KLHL13: variants seen among roughly 807,000 people sequenced by gnomAD.
KLHL13 encodes kelch-like protein 13.
In KLHL13, 10 loss-of-function variants were observed where a neutral mutation model predicts 37.1. The ratio of observed to expected loss-of-function variants is 0.27; its 90% CI spans 0.17 to 0.46. The LOEUF (loss-of-function observed/expected upper bound fraction) is 0.46, where lower values mean the gene tolerates loss of function less well. KLHL13 is among the 20% of genes least tolerant of loss of function. KLHL13 has a pLI of 1.00. For synonymous variants in KLHL13, 163 were observed against 181.2 expected (o/e 0.90, Z 0.81); for missense variants, 360 against 509.3 (o/e 0.71, Z 2.82).
At chrX:118,105,721 A>G (rs1339207542) in intron 1 of KLHL13, among the ~76,000 whole-genome samples, 1 of 111,544 alleles carries the variant, frequency 9.0e-6, no homozygotes, top group Non-Finnish European at 1.9e-5. Flanking sequence ...TTGTTCATAA[A>G]TGTTCACGTG....
intron 1 of KLHL13, among the ~76,000 whole-genome samples, chrX:117,999,694 T>TA (rs961881671): frequency 2.2e-4 from 24 of 108,145 alleles, no homozygotes; most frequent in African/African-American, 4.2e-4. Context: ...AAGTATAATT[T>TA]AAAAAATCTA....
At chrX:118,095,780 C>A (rs769749654) in intron 1 of KLHL13, among the ~76,000 whole-genome samples, 203 of 112,037 alleles carry the variant, frequency 1.8e-3, no homozygotes, top group African/African-American at 6.2e-3. Flanking sequence ...ACAACCTGCT[C>A]CTGAATTACT....
At chrX:118,115,585 T>C (rs2055459253) in intron 1 of KLHL13, among the ~76,000 whole-genome samples, 2 of 112,468 alleles carry the variant, frequency 1.8e-5, no homozygotes. Flanking sequence ...CTATGCTAAC[T>C]TGAGCGACTT....
chrX:117,978,367 G>T (rs191897468), upstream of KLHL13, among the ~76,000 whole-genome samples: 4 of 111,647 alleles, frequency 3.6e-5, no homozygotes, highest in African/African-American at 1.3e-4. Context: ...TAAGAAGGGT[G>T]CCATGTTGGG....
At chrX:117,920,493 A>G (rs1239918347) in intron 2 of KLHL13, 123 bp from the exon 4 acceptor site, 2 of 683,328 alleles carry the variant, frequency 2.9e-6, no homozygotes, top group African/African-American at 2.3e-5. Context: ...CCAACAGAAT[A>G]TTCGGGAGAA....
intron 2 of KLHL13, among the ~76,000 whole-genome samples, chrX:117,927,262 T>TCGCCC (rs1282370387): frequency 3.6e-5 from 4 of 111,175 alleles, no homozygotes; most frequent in African/African-American, 9.8e-5. Context: ...ACGCCTCGCC[T>TCGCCC]CGCCCCGCCC....
intron 2 of KLHL13, among the ~76,000 whole-genome samples, chrX:117,941,299 C>T (rs1311347531): frequency 9.0e-6 from 1 of 111,546 alleles, no homozygotes; most frequent in African/African-American, 3.3e-5. Context: ...CTGAAATTTT[C>T]TTTTTTTGTT....
At chrX:117,995,712 T>C (rs1353354072) in intron 1 of KLHL13, among the ~76,000 whole-genome samples, 1 of 111,968 alleles carries the variant, frequency 8.9e-6, no homozygotes, top group African/African-American at 3.2e-5. Context: ...ACTATGGATT[T>C]ATCTATTTTA....
chrX:118,010,548 C>A (rs2054051929), intron 1 of KLHL13, among the ~76,000 whole-genome samples: 1 of 78,205 alleles, frequency 1.3e-5, no homozygotes, highest in Non-Finnish European at 2.4e-5. Flanking sequence ...AATTAGATCA[C>A]ATGGACACAG....
At chrX:117,907,941 C>G (rs181589770) in intron 5 of KLHL13, among the ~76,000 whole-genome samples, 4 of 110,909 alleles carry the variant, frequency 3.6e-5, no homozygotes, top group African/African-American at 1.3e-4. Flanking sequence ...ATTAAACTAT[C>G]TTTTATTTCT....
At chrX:118,082,724 C>G (rs1258455718) in intron 1 of KLHL13, among the ~76,000 whole-genome samples, 1 of 111,688 alleles carries the variant, frequency 9.0e-6, no homozygotes, top group Non-Finnish European at 1.9e-5. Context: ...GTAGTAGTTT[C>G]AGGTCTTAGA....
chrX:117,995,959 C>T (rs2053849835), intron 1 of KLHL13, among the ~76,000 whole-genome samples: 1 of 111,541 alleles, frequency 9.0e-6, no homozygotes, highest in African/African-American at 3.3e-5. Flanking sequence ...ATAGTCCCTC[C>T]CTGCACATGG....
intron 1 of KLHL13, 95 bp from the exon 3 acceptor site, chrX:117,945,670 C>T: frequency 2.9e-6 from 2 of 692,777 alleles, no homozygotes; most frequent in Non-Finnish European, 4.3e-6. Context: ...CTATTGCAAT[C>T]ATATGACCAT....
chrX:117,985,626 A>T (rs2053716049), intron 1 of KLHL13, among the ~76,000 whole-genome samples: 1 of 110,558 alleles, frequency 9.0e-6, no homozygotes, highest in East Asian at 2.8e-4. Flanking sequence ...TCATCTTTGG[A>T]GCAAAGGTGG....
exon 7 of KLHL13, chrX:117,897,975 G>A (rs1053334588): frequency 8.9e-6 from 1 of 111,891 alleles, no homozygotes; most frequent in Non-Finnish European, 1.9e-5. Context: ...CAACAGCAAA[G>A]GAGAAGGAGT....
At chrX:118,010,888 C>T (rs1235385098) in intron 1 of KLHL13, among the ~76,000 whole-genome samples, 1 of 108,546 alleles carries the variant, frequency 9.2e-6, no homozygotes, top group Non-Finnish European at 1.9e-5. Context: ...GCCTGGGCAA[C>T]ACGGCAAAAC....
intron 1 of KLHL13, among the ~76,000 whole-genome samples, chrX:118,078,960 T>C (rs2054958746): frequency 1.8e-5 from 2 of 111,119 alleles, no homozygotes; most frequent in Non-Finnish European, 3.8e-5. Context: ...TTTTTAATTT[T>C]AGACATTCTA....
In KLHL13 at chrX:118,077,886, T is replaced by C. The variant is rs181389861; in HGVS notation, c.-56+38622A>G. On this transcript the variant is annotated intron_variant, in intron 1 of 6. Transcript: ENST00000371882. ...GGCATTGTTTTGCAATAATTCAAAA[T>C]GAGATGGCATATATAAAAGTACCTT... Among the ~76,000 whole-genome samples the C allele has an allele frequency of 2.2e-4, 25 of 111,757 alleles. No homozygotes were observed. The East Asian group carries it at 6.5e-3, about 29-fold the overall frequency.
intron 1 of KLHL13, among the ~76,000 whole-genome samples, chrX:118,007,370 CAAAAAAAAAA>C (rs57382655): frequency 8.6e-5 from 4 of 46,594 alleles, no homozygotes; most frequent in South Asian, 3.5e-3. Context: ...GAGACCCTGT[CAAAAAAAAAA>C]AAAAAAAAAA....
Sources: allele counts gnomAD v4.1 joint callset (sites outside exome capture counted in the v4.1 genomes callset), GRCh38; gene constraint gnomAD v4.1.1; transcripts MANE v1.5; gene names NCBI Gene and HGNC (gene_info 2026-07-23, HGNC 2026-07-21).